The following THRAP3 variants were observed in gnomAD, a reference collection of about 807,000 sequenced individuals.
THRAP3 encodes thyroid hormone receptor associated protein 3.
Under a neutral mutation model 101.0 loss-of-function variants are expected in THRAP3, and 16 were observed. The observed-to-expected ratio is 0.16, with a 90% CI of 0.11 to 0.24. The LOEUF (loss-of-function observed/expected upper bound fraction) is 0.24. Among genes scored for constraint, THRAP3 ranks in the 10% least tolerant of loss-of-function variants. The pLI is 1.00. For synonymous variants in THRAP3, 407 were observed against 422.6 expected, an observed-to-expected ratio of 0.96 and a Z score of 0.45; for missense variants, 989 against 1,202.7, an observed-to-expected ratio of 0.82 and a Z score of 2.63.
chr1:36,223,135 A>C (rs1438347172), upstream of THRAP3, among the ~76,000 whole-genome samples: 1 of 152,126 alleles, frequency 6.6e-6, no homozygotes, highest in African/African-American at 2.4e-5. Flanking sequence ...TAAATAAATA[A>C]ATAAATAAAT....
chr1:36,261,196 G>A (rs1487839232), intron 2 of THRAP3, among the ~76,000 whole-genome samples: 1 of 152,092 alleles, frequency 6.6e-6, no homozygotes, highest in Non-Finnish European at 1.5e-5. Flanking sequence ...CCAGGAGTTC[G>A]AGACCAGCTG....
chr1:36,210,083 T>C, the THRAP3 span, among the ~76,000 whole-genome samples: 1 of 152,140 alleles, frequency 6.6e-6, no homozygotes, highest in South Asian at 2.1e-4. Context: ...AAACTTCTTT[T>C]TGGCCGGGCG....
the THRAP3 span, among the ~76,000 whole-genome samples, chr1:36,208,197 C>T: frequency 4.6e-5 from 7 of 152,208 alleles, no homozygotes; most frequent in African/African-American, 9.6e-5. Flanking sequence ...AGCTGACAGC[C>T]TCCCCCACGC....
intron 1 of THRAP3, chr1:36,225,177 G>A (rs1306232039): frequency 6.6e-6 from 1 of 152,328 alleles, no homozygotes; most frequent in African/African-American, 2.4e-5. Context: ...AATCTTAGGG[G>A]TGGAGCATGG....
chr1:36,224,712 C>T (rs918065279), intron 1 of THRAP3, among the ~76,000 whole-genome samples: 4 of 152,180 alleles, frequency 2.6e-5, no homozygotes, highest in African/African-American at 9.7e-5. Context: ...TTCCCCTGGC[C>T]CCGGCCTAGC....
intron 1 of THRAP3, among the ~76,000 whole-genome samples, chr1:36,238,906 G>GTTCT (rs144511885): frequency 2.0e-5 from 3 of 151,812 alleles, no homozygotes; most frequent in Admixed American, 6.6e-5. Context: ...ATGCCCGACT[G>GTTCT]TTCTTTCTTT....
chr1:36,220,973 AT>A (rs375179550), upstream of THRAP3, among the ~76,000 whole-genome samples: 2,708 of 80,448 alleles, frequency 0.034, 83 homozygotes, highest in East Asian at 0.14. Context: ...AAAAAAAAAA[AT>A]ATATATATAT....
intron 2 of THRAP3, among the ~76,000 whole-genome samples, chr1:36,264,135 T>C (rs2359014): frequency 0.97 from 147,230 of 152,352 alleles, 71,375 homozygotes; most frequent in Middle Eastern, 1. Flanking sequence ...TCTCAGCTCA[T>C]TGCAAGCTCT....
the THRAP3 span, among the ~76,000 whole-genome samples, chr1:36,218,512 C>T: frequency 2.0e-5 from 3 of 148,816 alleles, no homozygotes; most frequent in East Asian, 2.0e-4. Context: ...GTCAGGGGAT[C>T]GAGACCATCC....
intron 1 of THRAP3, among the ~76,000 whole-genome samples, chr1:36,256,453 C>G (rs1645376803): frequency 1.3e-5 from 2 of 151,910 alleles, no homozygotes; most frequent in South Asian, 4.1e-4. Flanking sequence ...TCTCCATCTC[C>G]TGACCTCGTG....
At chr1:36,215,463 T>A in the THRAP3 span, among the ~76,000 whole-genome samples, 1 of 152,184 alleles carries the variant, frequency 6.6e-6, no homozygotes, top group Non-Finnish European at 1.5e-5. Flanking sequence ...CTGTCTGGAA[T>A]GCTCTTCCCC....
At chr1:36,241,703 A>G (rs1645163726) in intron 1 of THRAP3, among the ~76,000 whole-genome samples, 1 of 150,862 alleles carries the variant, frequency 6.6e-6, no homozygotes, top group African/African-American at 2.4e-5. Context: ...CTCAGCCTCC[A>G]GAGTAGCTAG....
chr1:36,296,556 C>G (rs146149938), intron 8 of THRAP3, 27 bp from the exon 9 acceptor site: 1 of 1,507,920 alleles, frequency 6.6e-7, no homozygotes, highest in Non-Finnish European at 8.8e-7. Flanking sequence ...ATCCCAGAAA[C>G]CTTAATTTTG....
chr1:36,288,827 A>G, intron 4 of THRAP3: 2 of 985,380 alleles, frequency 2.0e-6, no homozygotes, highest in Non-Finnish European at 2.4e-6. Context: ...TGCTTTTGTA[A>G]GACACAACTC....
At chr1:36,215,600 A>T in the THRAP3 span, among the ~76,000 whole-genome samples, 5 of 152,150 alleles carry the variant, frequency 3.3e-5, no homozygotes, top group Non-Finnish European at 7.3e-5. Context: ...TTAAGGGGTA[A>T]ATCGTACATG....
At chr1:36,289,902 T>TTC in intron 5 of THRAP3, 138 bp downstream of exon 5, 1 of 1,238,440 alleles carries the variant, frequency 8.1e-7, no homozygotes, top group Non-Finnish European at 1.1e-6. Flanking sequence ...TCCACCTGTG[T>TTC]TCACTGGAGA....
chr1:36,292,264 C>CTTTTTTTTTTTTTTTTTTTTT (rs774003081), intron 6 of THRAP3, among the ~76,000 whole-genome samples: 1 of 20,564 alleles, frequency 4.9e-5, no homozygotes, highest in African/African-American at 1.4e-4. Flanking sequence ...TTCTTTGTTT[C>CTTTTTTTTTTTTTTTTTTTTT]TTTTTTTTTT....
chr1:36,256,188 G>GATGATT (rs1553194369), intron 1 of THRAP3, among the ~76,000 whole-genome samples: 9 of 136,000 alleles, frequency 6.6e-5, no homozygotes, highest in Admixed American at 4.6e-4. Context: ...GGCCTGCCTG[G>GATGATT]ATTATTATTA....
chr1:36,269,032 G>A (rs1368318633), intron 2 of THRAP3, among the ~76,000 whole-genome samples: 3 of 152,294 alleles, frequency 2.0e-5, no homozygotes, highest in East Asian at 3.8e-4. Context: ...AGCCGAGTTA[G>A]TTTTTTAATC....
Sources: allele counts gnomAD v4.1 joint callset (sites outside exome capture counted in the v4.1 genomes callset), GRCh38; gene constraint gnomAD v4.1.1; transcripts MANE v1.5; gene names NCBI Gene and HGNC (gene_info 2026-07-23, HGNC 2026-07-21).